The following YBX1 variants were observed in gnomAD, a reference collection of about 807,000 sequenced individuals.
The protein encoded by YBX1 is Y-box-binding protein 1.
In YBX1, 3 loss-of-function variants were observed where a neutral mutation model predicts 41.4. The observed-to-expected ratio is 0.07, with a 90% confidence interval of 0.03 to 0.19. The LOEUF is 0.19. Among genes scored for constraint, YBX1 ranks in the 10% least tolerant of loss-of-function variants. The pLI is 1.00. For missense variants in YBX1, 274 were observed against 462.8 expected (o/e 0.59, Z 3.74); for synonymous variants, 133 against 165.8 (o/e 0.80, Z 1.52).
At position 42,703,628 on chromosome 1, in the gene YBX1, AC is replaced by A. The variant is rs1650664182; in HGVS notation, c.*1680del. Among the ~76,000 whole-genome samples, 3 of 152,298 alleles carry A rather than the reference AC, an allele frequency of 2.0e-5. No individual in the cohort carries two copies. In the South Asian group the frequency reaches 6.2e-4, roughly 32 times the overall value. ...GGTAGCATCTAAACTGTTACTTACA[AC>A]TGCAGACGCACACAGTCCCTGACTT... is the stretch of plus-strand genomic sequence containing the variant. On this transcript the variant is annotated 3_prime_UTR_variant, in exon 8 of 8. Coordinates refer to ENST00000321358, the MANE Select transcript of YBX1 (RefSeq NM_004559.5).
At position 42,702,488 on chromosome 1, in the gene YBX1, TC is replaced by T. The variant is rs1650629159; in HGVS notation, c.*541del. On this transcript the variant is annotated 3_prime_UTR_variant, in exon 8 of 8. Transcript: ENST00000321358. ...AGGTAAAATGTCTCAAAATCTCTAA[TC>T]CTTTAAGTGGCATGCCTGTGGGCCC... is the stretch of plus-strand genomic sequence containing the variant. 2 of 152,488 alleles carry T rather than the reference TC, an allele frequency of 1.3e-5. No individual in the cohort carries two copies. Among genetic ancestry groups the T allele is most frequent in the East Asian group, 3.8e-4 (2 of 5,202 alleles). 9.4% of individuals were successfully genotyped at this position (152,488 alleles called of 1,614,324 possible).
chr1:42,683,393 T>C lies in YBX1; in HGVS notation c.167-10T>C. 2.5e-6 allele frequency: 4 copies of C among 1,614,214 alleles called. No individual in the cohort carries two copies. Among genetic ancestry groups the C allele is most frequent in the Non-Finnish European group, 3.4e-6 (4 of 1,180,026 alleles). On this transcript the variant is annotated splice_polypyrimidine_tract_variant and intron_variant, in intron 1 of 7. Transcript: ENST00000321358. ...AATCGTGGCTTGTTTTGCTTTGTTTTCTTTTCCAGCAACGAAGGTTTTGGG... is the reference window on the plus strand; with the variant it reads ...AATCGTGGCTTGTTTTGCTTTGTTTCCTTTTCCAGCAACGAAGGTTTTGGG...
At chr1:42,691,586 TAACA>T (rs1447065059) in intron 2 of YBX1, among the ~76,000 whole-genome samples, 3 of 152,178 alleles carry the variant, frequency 2.0e-5, no homozygotes, top group Admixed American at 6.5e-5. Context: ...TTAGAAGGCA[TAACA>T]AACAGTCAGA....
chr1:42,688,177 A>G (rs1273334913), intron 2 of YBX1, among the ~76,000 whole-genome samples: 1 of 152,194 alleles, frequency 6.6e-6, no homozygotes, highest in Non-Finnish European at 1.5e-5. Context: ...GAGAACTAGT[A>G]TCCAGTTTGA....
At chr1:42,693,348 A>G (rs1650386361) in intron 2 of YBX1, 142 bp from the exon 3 acceptor site, 5 of 804,674 alleles carry the variant, frequency 6.2e-6, no homozygotes, top group South Asian at 1.5e-5. Context: ...GAAAGCAGAG[A>G]GCATGGTGGC....
At chr1:42,691,254 A>G (rs189963427) in intron 2 of YBX1, among the ~76,000 whole-genome samples, 28 of 152,286 alleles carry the variant, frequency 1.8e-4, no homozygotes, top group African/African-American at 6.5e-4. Flanking sequence ...CTGTCATGAC[A>G]CTGGTCAGTG....
chr1:42,684,587 A>T (rs1423282103), intron 2 of YBX1, among the ~76,000 whole-genome samples: 1 of 152,238 alleles, frequency 6.6e-6, no homozygotes, highest in Non-Finnish European at 1.5e-5. Flanking sequence ...CACTCAGAGT[A>T]AGAGATAAGC....
chr1:42,690,461 G>A (rs918354722), intron 2 of YBX1, among the ~76,000 whole-genome samples: 1 of 152,056 alleles, frequency 6.6e-6, no homozygotes, highest in Non-Finnish European at 1.5e-5. Context: ...TATTTTGGGG[G>A]TCCTATATTG....
chr1:42,682,731 G>T lies in YBX1; in HGVS notation c.166G>T (p.Ala56Ser). ...TGCCGGCGGGGACAAGAAGGTCATC[G>T]GTGAGGACCGGACAGGGACGGGGGT... ...APAGGDKKVI[A>S]TKVLGTVKWF... is the part of the protein sequence containing the mutation. The change falls in exon 1 of 8, where the codon GCA becomes TCA. Residue 56 changes from alanine to serine, a missense_variant and splice_region_variant. Ala to Ser is a moderately conservative substitution (Grantham distance 99). Around this residue, in one of 3 missense-constraint regions of YBX1, gnomAD observed 84 missense variants for 130.8 expected, o/e 0.64. Transcript: ENST00000321358. The T allele has an allele frequency of 8.1e-7, 1 of 1,237,610 alleles. No individual in the cohort carries two copies. Among genetic ancestry groups the T allele is most frequent in the South Asian group, 3.5e-5 (1 of 28,764 alleles). 76.7% of individuals were successfully genotyped at this position (1,237,610 alleles called of 1,614,324 possible).
At chr1:42,691,865 T>G (rs1650347147) in intron 2 of YBX1, among the ~76,000 whole-genome samples, 1 of 149,540 alleles carries the variant, frequency 6.7e-6, no homozygotes, top group South Asian at 2.2e-4. Flanking sequence ...AAAATTTTAT[T>G]TTTTTATTTT....
chr1:42,701,061 A>G lies in YBX1; in HGVS notation c.*31+15A>G. ...CCATCATCCGGGTAAGCAAGCTTGG[A>G]TGGCCATCCATTTATGGCAGTCGTG... On this transcript the variant is annotated intron_variant, in intron 7 of 7. Coordinates refer to ENST00000321358, the MANE Select transcript of YBX1 (RefSeq NM_004559.5). The G allele has an allele frequency of 6.3e-7, 1 of 1,597,958 alleles. No individual in the cohort carries two copies. Among genetic ancestry groups the G allele is most frequent in the African/African-American group, 1.3e-5 (1 of 74,554 alleles).
chr1:42,691,487 A>G (rs1650325708), intron 2 of YBX1, among the ~76,000 whole-genome samples: 1 of 152,082 alleles, frequency 6.6e-6, no homozygotes, highest in Non-Finnish European at 1.5e-5. Flanking sequence ...TATTTTTTAT[A>G]GATATAGGGT....
intron 1 of YBX1, chr1:42,683,063 C>T (rs1450596622): frequency 8.6e-6 from 4 of 467,050 alleles, no homozygotes; most frequent in Admixed American, 8.1e-5. Flanking sequence ...CGCGTCACCC[C>T]CACCCAGCTC....
intron 2 of YBX1, among the ~76,000 whole-genome samples, chr1:42,691,154 A>G (rs781000281): frequency 2.0e-5 from 3 of 152,228 alleles, no homozygotes; most frequent in Non-Finnish European, 2.9e-5. Flanking sequence ...TTTTAATGGT[A>G]TAATGTTTTT....
rs1650451563 is a variant in YBX1 at position 42,696,032 on chromosome 1, G to A, written c.265-167G>A. ...GATTGGAGTGTTTTTGTTGAAGTTG[G>A]GGATAGTGTGGTCCCCGCTTTCCTA... is the stretch of plus-strand genomic sequence containing the variant. On this transcript the variant is annotated intron_variant, in intron 3 of 7. Transcript: ENST00000321358. This position sits in a 1 kb window ranked among gnomAD's most constrained non-coding sequence, Gnocchi z 5.7. Among the ~76,000 whole-genome samples the A allele has an allele frequency of 6.6e-6, 1 of 152,168 alleles. No homozygotes were observed. Among genetic ancestry groups the A allele is most frequent in the Non-Finnish European group, 1.5e-5 (1 of 68,030 alleles).
chr1:42,693,052 G>T (rs898687356), intron 2 of YBX1, among the ~76,000 whole-genome samples: 1 of 152,108 alleles, frequency 6.6e-6, no homozygotes, highest in Admixed American at 6.5e-5. Flanking sequence ...GGGGAGGGGG[G>T]TTCTCATTTT....
At chr1:42,700,743 G>C (rs770679123) in intron 6 of YBX1, 38 bp from the exon 7 acceptor site, 2 of 1,547,292 alleles carry the variant, frequency 1.3e-6, no homozygotes, top group Non-Finnish European at 1.8e-6. Context: ...GAAGAGAGAA[G>C]GTTTTATCAT....
chr1:42,684,983 C>T (rs1472818852), intron 2 of YBX1, among the ~76,000 whole-genome samples: 1 of 152,176 alleles, frequency 6.6e-6, no homozygotes, highest in Non-Finnish European at 1.5e-5. Flanking sequence ...ACATTTTTAA[C>T]AGGAATGATA....
intron 2 of YBX1, among the ~76,000 whole-genome samples, chr1:42,686,147 C>T: frequency 6.6e-6 from 1 of 152,156 alleles, no homozygotes; most frequent in East Asian, 1.9e-4. Flanking sequence ...GAATTGGCAA[C>T]AGTTTATAGT....
Sources: gnomAD v4.1 joint callset for allele counts (sites outside exome capture counted in the v4.1 genomes callset) on GRCh38, gnomAD v4.1.1 for gene constraint, gnomAD v4.1.1 regional missense constraint, Gnocchi (gnomAD v3.1) non-coding constraint, MANE v1.5 for transcripts, NCBI Gene and HGNC (gene_info 2026-07-23, HGNC 2026-07-21) for gene names.